VWC2: variants seen among roughly 807,000 people sequenced by gnomAD.
The protein encoded by VWC2 is brorin.
A neutral mutation model predicts 29.8 loss-of-function variants in VWC2; 14 were observed. The ratio of observed to expected loss-of-function variants is 0.47; its 90% CI spans 0.31 to 0.74. The LOEUF (loss-of-function observed/expected upper bound fraction) is 0.74, where lower values mean the gene tolerates loss of function less well. VWC2 is among the 30% of genes least tolerant of loss of function. The probability of loss-of-function intolerance (pLI) is 0.05; values close to 1 mark genes in which losing one functional copy is unlikely to be tolerated. For missense variants in VWC2, 457 were observed against 459.8 expected, an observed-to-expected ratio of 0.99 and a Z score of 0.05; for synonymous variants, 213 against 199.0, an observed-to-expected ratio of 1.07 and a Z score of -0.59.
intron 3 of VWC2, among the ~76,000 whole-genome samples, chr7:49,891,597 C>A (rs1475438556): frequency 1.3e-5 from 2 of 152,024 alleles, no homozygotes; most frequent in Non-Finnish European, 2.9e-5. Context: ...CCGCCAGGGT[C>A]GATAAAATAT....
At chr7:49,884,359 C>A (rs1466698904) in intron 3 of VWC2, among the ~76,000 whole-genome samples, 1 of 152,182 alleles carries the variant, frequency 6.6e-6, no homozygotes, top group East Asian at 1.9e-4. Flanking sequence ...AAGGCTTTAA[C>A]CGGGTGCTAC....
At chr7:49,820,892 C>T (rs1052242910) in intron 3 of VWC2, among the ~76,000 whole-genome samples, 1 of 152,112 alleles carries the variant, frequency 6.6e-6, no homozygotes, top group African/African-American at 2.4e-5. Flanking sequence ...CAGGTACAGG[C>T]TGAGGAAGGC....
In VWC2 at chr7:49,920,913, ATGT is replaced by A. The variant is rs1793989863; in HGVS notation, c.*8732_*8734del. ...ACTGTTATAGGGGAAATGTACTAAA[ATGT>A]TGTACTTATTACATTTATGAATTTC... On this transcript the variant is annotated 3_prime_UTR_variant, in exon 4 of 4. Transcript: ENST00000340652. 1.3e-5 allele frequency: 2 copies of A among 152,190 alleles called. No homozygotes were observed. The highest frequency in any genetic ancestry group is 2.4e-5 in the African/African-American group (1 of 41,440). The allele number at this position is 152,190 out of a possible 1,614,324, so 9.4% of individuals were successfully genotyped here.
intron 3 of VWC2, among the ~76,000 whole-genome samples, chr7:49,818,941 C>T (rs1395409655): frequency 6.6e-6 from 1 of 151,474 alleles, no homozygotes; most frequent in Non-Finnish European, 1.5e-5. Context: ...TAAAGGAAGG[C>T]AACAGCCTCA....
intron 3 of VWC2, among the ~76,000 whole-genome samples, chr7:49,840,808 C>T (rs150149096): frequency 4.7e-4 from 71 of 152,110 alleles, no homozygotes; most frequent in African/African-American, 1.7e-3. Flanking sequence ...TTCAGGTTCG[C>T]AGTGAGTCAA....
In VWC2 at chr7:49,788,152, C is replaced by T. The variant is rs145181046; in HGVS notation, c.696+12021C>T. Among the ~76,000 whole-genome samples the T allele has an allele frequency of 6.6e-4, 100 of 152,326 alleles. 1 individual carries two copies. Among genetic ancestry groups the T allele is most frequent in the African/African-American group, 2.2e-3 (93 of 41,566 alleles). ...GTGATGGGAACCCACAGTGCCTGTC[C>T]ACTCCTGGCTCGGGCTGTGGTCCAG... On this transcript the variant is annotated intron_variant, in intron 2 of 3. Coordinates refer to ENST00000340652, the MANE Select transcript of VWC2 (RefSeq NM_198570.5).
chr7:49,851,085 G>C (rs1173148875), intron 3 of VWC2, among the ~76,000 whole-genome samples: 6 of 152,210 alleles, frequency 3.9e-5, no homozygotes, highest in Non-Finnish European at 8.8e-5. Context: ...TCCGACGGCT[G>C]CTCCCTTACA....
At chr7:49,800,070 T>A (rs949484445) in intron 2 of VWC2, among the ~76,000 whole-genome samples, 2 of 152,218 alleles carry the variant, frequency 1.3e-5, no homozygotes, top group African/African-American at 4.8e-5. Context: ...GACAATCAAA[T>A]TTTTTACAAA....
At chr7:49,872,751 C>CAA (rs34987652) in intron 3 of VWC2, among the ~76,000 whole-genome samples, 1,242 of 122,050 alleles carry the variant, frequency 0.01, 23 homozygotes, top group African/African-American at 0.03. Flanking sequence ...ACAAAAAATA[C>CAA]AAAAAAAAAA....
At chr7:49,904,237 A>C (rs151311884) in intron 3 of VWC2, among the ~76,000 whole-genome samples, 479 of 152,308 alleles carry the variant, frequency 3.1e-3, no homozygotes, top group African/African-American at 0.011. Context: ...GCTTTTCATT[A>C]AAAGAAAAGC....
Position 49,918,172 on chromosome 7 carries a change from C to T in VWC2, c.*5987C>T, listed in dbSNP as rs777705105. The T allele has an allele frequency of 6.6e-6, 1 of 152,132 alleles. No individual in the cohort carries two copies. The highest frequency in any genetic ancestry group is 1.5e-5 in the Non-Finnish European group (1 of 68,018). 9.4% of individuals were successfully genotyped at this position (152,132 alleles called of 1,614,324 possible). A position where few individuals can be genotyped will look rare whatever the true frequency, so the allele number is the denominator to read the frequency against. ...TCCCAAATTGTGGGTAATGCTATCC[C>T]CTTTGTTGCAGAAAAGTAAATATAG... On this transcript the variant is annotated 3_prime_UTR_variant, in exon 4 of 4. Coordinates refer to ENST00000340652, the MANE Select transcript of VWC2 (RefSeq NM_198570.5).
intron 3 of VWC2, among the ~76,000 whole-genome samples, chr7:49,809,622 A>G (rs1487765434): frequency 2.6e-5 from 4 of 152,044 alleles, no homozygotes; most frequent in Non-Finnish European, 1.5e-5. Context: ...TCTCCTTAAC[A>G]ATGAGTTAAT....
At chr7:49,846,684 A>G (rs1227206689) in intron 3 of VWC2, among the ~76,000 whole-genome samples, 1 of 152,200 alleles carries the variant, frequency 6.6e-6, no homozygotes, top group Non-Finnish European at 1.5e-5. Context: ...TCATCACAGT[A>G]TCCACTGTGC....
intron 3 of VWC2, among the ~76,000 whole-genome samples, chr7:49,883,382 T>G (rs1226106524): frequency 6.6e-6 from 1 of 152,058 alleles, no homozygotes; most frequent in African/African-American, 2.4e-5. Context: ...GAAATAAATG[T>G]ACTAAAAAAA....
At chr7:49,841,970 G>A (rs1001617762) in intron 3 of VWC2, among the ~76,000 whole-genome samples, 1 of 151,968 alleles carries the variant, frequency 6.6e-6, no homozygotes, top group Non-Finnish European at 1.5e-5. Flanking sequence ...GGGTTCAAGC[G>A]ATTCTCCTGT....
chr7:49,878,724 T>C (rs899889914), intron 3 of VWC2, among the ~76,000 whole-genome samples: 1 of 152,182 alleles, frequency 6.6e-6, no homozygotes, highest in African/African-American at 2.4e-5. Context: ...AAAAAATTGC[T>C]CATGCACGAT....
intron 3 of VWC2, among the ~76,000 whole-genome samples, chr7:49,860,231 C>T (rs1019109700): frequency 9.2e-5 from 14 of 152,158 alleles, no homozygotes; most frequent in South Asian, 2.1e-4. Context: ...TGAAACCCTC[C>T]GCCTGTTAAG....
At chr7:49,789,919 C>G (rs2128703555) in intron 2 of VWC2, among the ~76,000 whole-genome samples, 1 of 152,350 alleles carries the variant, frequency 6.6e-6, no homozygotes, top group Non-Finnish European at 1.5e-5. Flanking sequence ...CCGGGGGGCC[C>G]TACGGCCCCT....
chr7:49,817,054 AG>A (rs1238844999), intron 3 of VWC2, among the ~76,000 whole-genome samples: 1 of 152,194 alleles, frequency 6.6e-6, no homozygotes, highest in Non-Finnish European at 1.5e-5. Flanking sequence ...TCAACCTCTA[AG>A]ACTTGTTGCC....
Sources: allele counts gnomAD v4.1 joint callset (sites outside exome capture counted in the v4.1 genomes callset), GRCh38; gene constraint gnomAD v4.1.1; transcripts MANE v1.5; gene names NCBI Gene and HGNC (gene_info 2026-07-23, HGNC 2026-07-21).